The following CDYL2 variants were observed in gnomAD, a reference collection of about 807,000 sequenced individuals.
The protein encoded by CDYL2 is chromodomain Y-like protein 2.
In CDYL2, 23 loss-of-function variants were observed where a neutral mutation model predicts 49.4. The ratio of observed to expected loss-of-function variants is 0.47; its 90% CI spans 0.34 to 0.66. The LOEUF (loss-of-function observed/expected upper bound fraction) is 0.66. CDYL2 is among the 30% of genes least tolerant of loss of function. The probability of loss-of-function intolerance (pLI) is 0.01; values close to 1 mark genes in which losing one functional copy is unlikely to be tolerated. For synonymous variants in CDYL2, 360 were observed against 268.8 expected, an observed-to-expected ratio of 1.34 and a Z score of -3.32; for missense variants, 678 against 656.4, an observed-to-expected ratio of 1.03 and a Z score of -0.36.
intron 1 of CDYL2, among the ~76,000 whole-genome samples, chr16:80,794,378 TAAG>T (rs1282373816): frequency 2.0e-5 from 3 of 152,138 alleles, no homozygotes; most frequent in Non-Finnish European, 2.9e-5. Flanking sequence ...TGAATTTTTC[TAAG>T]AACACTGAAG....
At chr16:80,744,526 G>A (rs986161048) in intron 1 of CDYL2, among the ~76,000 whole-genome samples, 1 of 152,202 alleles carries the variant, frequency 6.6e-6, no homozygotes, top group Non-Finnish European at 1.5e-5. Context: ...GCACCCTATA[G>A]AAGGTACTTT....
rs573113950 is a variant in CDYL2 at position 80,701,891 on chromosome 16, G to A, written c.25-16762C>T. 2.0e-5 allele frequency among the ~76,000 whole-genome samples: 3 copies of A among 152,268 alleles called. No individual in the cohort carries two copies. In the South Asian group the frequency reaches 6.2e-4, roughly 32 times the overall value. ...GGCACTTCTACAATAACATACTCAA[G>A]TAGAATATAAAGCCACTATACTTGT... On this transcript the variant is annotated intron_variant, in intron 1 of 6. Transcript: ENST00000570137.
At chr16:80,688,010 A>G (rs1206802111) in intron 1 of CDYL2, among the ~76,000 whole-genome samples, 1 of 152,202 alleles carries the variant, frequency 6.6e-6, no homozygotes, top group Non-Finnish European at 1.5e-5. Context: ...CTACTTAGAT[A>G]AGTGCTTCCA....
intron 2 of CDYL2, among the ~76,000 whole-genome samples, chr16:80,681,386 A>T (rs1298793253): frequency 2.0e-5 from 3 of 152,148 alleles, no homozygotes; most frequent in African/African-American, 7.2e-5. Context: ...ATTCAGGGCT[A>T]CGTGGGCCTG....
intron 1 of CDYL2, among the ~76,000 whole-genome samples, chr16:80,763,910 A>C (rs566578579): frequency 3.3e-5 from 5 of 152,306 alleles, no homozygotes; most frequent in African/African-American, 1.2e-4. Flanking sequence ...ATGTGTGTCA[A>C]GGAGTTAAAA....
At chr16:80,631,217 C>G (rs1907546775) in intron 3 of CDYL2, among the ~76,000 whole-genome samples, 1 of 152,112 alleles carries the variant, frequency 6.6e-6, no homozygotes, top group African/African-American at 2.4e-5. Flanking sequence ...TGGATCATAA[C>G]AATCCTACAT....
At chr16:80,764,560 G>C (rs377544712) in intron 1 of CDYL2, among the ~76,000 whole-genome samples, 35 of 152,200 alleles carry the variant, frequency 2.3e-4, no homozygotes, top group African/African-American at 7.5e-4. Context: ...TATGTTGCTG[G>C]AACAAGAATG....
At position 80,604,208 on chromosome 16, in the gene CDYL2, T is replaced by C; in HGVS notation, c.*180A>G. ...GGTGGGGGAGGCCAAGTATGCTGCG[T>C]TTTCCATCCATTACACAAAATCAAA... On this transcript the variant is annotated 3_prime_UTR_variant, in exon 7 of 7. Coordinates refer to ENST00000570137, the MANE Select transcript of CDYL2 (RefSeq NM_152342.4). The C allele has an allele frequency of 3.0e-6, 2 of 676,536 alleles. No individual in the cohort carries two copies. Among genetic ancestry groups the C allele is most frequent in the Admixed American group, 2.8e-5 (1 of 35,584 alleles). 41.9% of individuals were successfully genotyped at this position (676,536 alleles called of 1,614,324 possible).
intron 2 of CDYL2, among the ~76,000 whole-genome samples, chr16:80,640,322 G>A (rs1245698488): frequency 1.3e-5 from 2 of 152,286 alleles, no homozygotes; most frequent in East Asian, 3.9e-4. Context: ...ATGAGGCCCA[G>A]TCTGGGCCAG....
At chr16:80,712,213 A>ATC (rs1246721533) in intron 1 of CDYL2, among the ~76,000 whole-genome samples, 16 of 107,466 alleles carry the variant, frequency 1.5e-4, no homozygotes, top group Middle Eastern at 8.2e-3. Flanking sequence ...ATATATATAT[A>ATC]TATCTCCAAA....
chr16:80,757,999 G>C (rs529803627), intron 1 of CDYL2, among the ~76,000 whole-genome samples: 4 of 152,110 alleles, frequency 2.6e-5, no homozygotes, highest in East Asian at 3.8e-4. Context: ...TACAAGGAAG[G>C]CTTTACTATA....
At position 80,698,874 on chromosome 16, in the gene CDYL2, T is replaced by C. The variant is rs147163472; in HGVS notation, c.25-13745A>G. Reference sequence around the variant, plus strand: ...TTATGCAGTCTCAGGTACTTCTTTATAGCAGTGTGAGAATGAACTAATACA... The same window carrying C: ...TTATGCAGTCTCAGGTACTTCTTTACAGCAGTGTGAGAATGAACTAATACA... On this transcript the variant is annotated intron_variant, in intron 1 of 6. Transcript: ENST00000570137. 6.2e-3 allele frequency among the ~76,000 whole-genome samples: 946 copies of C among 152,234 alleles called. 12 individuals carry two copies. The highest frequency in any genetic ancestry group is 0.021 in the African/African-American group (889 of 41,530).
At chr16:80,756,811 T>C (rs776392692) in intron 1 of CDYL2, among the ~76,000 whole-genome samples, 5 of 151,922 alleles carry the variant, frequency 3.3e-5, no homozygotes, top group Admixed American at 6.5e-5. Context: ...TCAGCAGAGA[T>C]TGGTCCCAGA....
At chr16:80,707,540 C>A (rs1292950239) in intron 1 of CDYL2, among the ~76,000 whole-genome samples, 1 of 152,126 alleles carries the variant, frequency 6.6e-6, no homozygotes, top group Non-Finnish European at 1.5e-5. Flanking sequence ...CCAGAGGGCT[C>A]CTTCTGGTTC....
At chr16:80,782,719 C>T (rs1028440017) in intron 1 of CDYL2, among the ~76,000 whole-genome samples, 3 of 151,666 alleles carry the variant, frequency 2.0e-5, no homozygotes, top group African/African-American at 7.3e-5. Flanking sequence ...TGTAATATGT[C>T]ACATGAGTAG....
chr16:80,644,082 C>G (rs1190671298), intron 2 of CDYL2, among the ~76,000 whole-genome samples: 1 of 152,228 alleles, frequency 6.6e-6, no homozygotes, highest in African/African-American at 2.4e-5. Context: ...ACCCAAGTCA[C>G]CTCTTGAATG....
At chr16:80,730,098 G>A (rs1251582983) in intron 1 of CDYL2, among the ~76,000 whole-genome samples, 5 of 151,984 alleles carry the variant, frequency 3.3e-5, no homozygotes, top group Admixed American at 6.6e-5. Flanking sequence ...AAATAACTAA[G>A]ATCAGAGCAG....
At position 80,608,121 on chromosome 16, in the gene CDYL2, C is replaced by A; in HGVS notation, c.1333G>T (p.Val445Phe). 1 of 1,601,662 alleles carries A rather than the reference C, an allele frequency of 6.2e-7. No individual in the cohort carries two copies. The highest frequency in any genetic ancestry group is 8.5e-7 in the Non-Finnish European group (1 of 1,174,134). Reference protein sequence around the residue: ...TTFSQEVMLRVKEMASCSAVV... With the variant: ...TTFSQEVMLRFKEMASCSAVV... ...GCACTGCAGGATGCCATCTCCTTGA[C>A]CCGCAGCATGACCTCCTGGCTGAAC... Residue 445 changes from valine (V) to phenylalanine (F), a missense_variant, in exon 6 of 7, where the codon GTC becomes TTC. Coordinates refer to ENST00000570137, the MANE Select transcript of CDYL2 (RefSeq NM_152342.4).
At chr16:80,692,128 C>T (rs180789865) in intron 1 of CDYL2, among the ~76,000 whole-genome samples, 210 of 152,304 alleles carry the variant, frequency 1.4e-3, no homozygotes, top group South Asian at 6.8e-3. Flanking sequence ...GGCAGAAACG[C>T]TAATCAAGTC....
Sources: allele counts gnomAD v4.1 joint callset (sites outside exome capture counted in the v4.1 genomes callset), GRCh38; gene constraint gnomAD v4.1.1; transcripts MANE v1.5; gene names NCBI Gene and HGNC (gene_info 2026-07-23, HGNC 2026-07-21).